The following CTNND2 variants were observed in gnomAD, a reference collection of about 807,000 sequenced individuals.
CTNND2 encodes catenin delta-2.
A neutral mutation model predicts 144.4 loss-of-function variants in CTNND2; 22 were observed. That is an observed-to-expected ratio of 0.15 (90% CI 0.11 to 0.22). CTNND2 has a LOEUF of 0.22. Among genes scored for constraint, CTNND2 ranks in the 10% least tolerant of loss-of-function variants. The pLI, the probability that CTNND2 is intolerant of heterozygous loss-of-function variation, is 1.00. For synonymous variants in CTNND2, 751 were observed against 695.6 expected, an observed-to-expected ratio of 1.08 and a Z score of -1.25; for missense variants, 1,353 against 1,618.8, an observed-to-expected ratio of 0.84 and a Z score of 2.82.
intron 9 of CTNND2, among the ~76,000 whole-genome samples, chr5:11,262,994 G>A (rs555926541): frequency 1.3e-5 from 2 of 152,076 alleles, no homozygotes; most frequent in South Asian, 2.1e-4. Flanking sequence ...ATTTCCGATG[G>A]CTCTCACAAA....
chr5:11,673,021 G>A (rs1424207521), intron 2 of CTNND2, among the ~76,000 whole-genome samples: 2 of 152,146 alleles, frequency 1.3e-5, no homozygotes, highest in Non-Finnish European at 2.9e-5. Context: ...ATCTTGCTGG[G>A]AGCTGCAGAC....
chr5:11,223,108 C>T (rs1327643372), intron 10 of CTNND2, among the ~76,000 whole-genome samples: 1 of 152,170 alleles, frequency 6.6e-6, no homozygotes, highest in Non-Finnish European at 1.5e-5. Context: ...GGCTGAAGCT[C>T]TCTGCCACCC....
At chr5:11,763,295 A>G (rs115527122) in intron 1 of CTNND2, among the ~76,000 whole-genome samples, 3,314 of 152,280 alleles carry the variant, frequency 0.022, 104 homozygotes, top group African/African-American at 0.076. Flanking sequence ...GTGAGAAAGA[A>G]CTAATACAGT....
At chr5:11,710,423 C>T (rs779055075) in intron 2 of CTNND2, among the ~76,000 whole-genome samples, 9 of 151,866 alleles carry the variant, frequency 5.9e-5, no homozygotes, top group Non-Finnish European at 1.0e-4. Context: ...GCCTGTAGTC[C>T]CAGCTACTTG....
intron 5 of CTNND2, among the ~76,000 whole-genome samples, chr5:11,408,038 T>C (rs138322160): frequency 1.9e-4 from 29 of 152,094 alleles, no homozygotes; most frequent in East Asian, 3.9e-4. Context: ...GATTATGACA[T>C]TGATTCCCCG....
chr5:11,441,611 T>C (rs1764269632), intron 3 of CTNND2, among the ~76,000 whole-genome samples: 1 of 150,590 alleles, frequency 6.6e-6, no homozygotes, highest in South Asian at 2.1e-4. Context: ...CTCGAACTCC[T>C]GACCTGGTAA....
intron 13 of CTNND2, among the ~76,000 whole-genome samples, chr5:11,115,350 C>A (rs1451273519): frequency 6.6e-6 from 1 of 152,158 alleles, no homozygotes; most frequent in African/African-American, 2.4e-5. Context: ...AGGCTGTTGA[C>A]TCTTATTTTA....
intron 1 of CTNND2, among the ~76,000 whole-genome samples, chr5:11,861,778 G>T (rs1358713754): frequency 6.6e-6 from 1 of 152,144 alleles, no homozygotes; most frequent in Non-Finnish European, 1.5e-5. Flanking sequence ...CTGAAGTGAT[G>T]ACTACATTTC....
chr5:11,554,925 A>G (rs1776082393), intron 3 of CTNND2, among the ~76,000 whole-genome samples: 1 of 151,008 alleles, frequency 6.6e-6, no homozygotes, highest in South Asian at 2.1e-4. Context: ...ATATAAATAT[A>G]TCTACATATA....
At chr5:11,324,798 C>A (rs1302160504) in intron 9 of CTNND2, among the ~76,000 whole-genome samples, 1 of 152,164 alleles carries the variant, frequency 6.6e-6, no homozygotes, top group Non-Finnish European at 1.5e-5. Context: ...AAAAGCAACT[C>A]CAGACATCCT....
chr5:11,822,555 T>C (rs1456065258), intron 1 of CTNND2, among the ~76,000 whole-genome samples: 1 of 152,062 alleles, frequency 6.6e-6, no homozygotes, highest in Admixed American at 6.5e-5. Flanking sequence ...ATAAACTCCC[T>C]CTAATCACAC....
At chr5:11,683,325 A>G (rs2126632353) in intron 2 of CTNND2, among the ~76,000 whole-genome samples, 1 of 152,332 alleles carries the variant, frequency 6.6e-6, no homozygotes, top group South Asian at 2.1e-4. Flanking sequence ...ATTCTGAGCA[A>G]TGCACAGACT....
At chr5:11,016,682 T>C (rs1375477501) in intron 18 of CTNND2, among the ~76,000 whole-genome samples, 1 of 152,206 alleles carries the variant, frequency 6.6e-6, no homozygotes, top group Non-Finnish European at 1.5e-5. Context: ...CAGGCACCCT[T>C]CTGTAGTCCT....
chr5:11,579,287 C>G (rs929851456), intron 2 of CTNND2, among the ~76,000 whole-genome samples: 1 of 152,026 alleles, frequency 6.6e-6, no homozygotes, highest in Non-Finnish European at 1.5e-5. Context: ...AATGTACCAC[C>G]GTTGAAATCA....
intron 11 of CTNND2, among the ~76,000 whole-genome samples, chr5:11,162,675 T>C (rs16901331): frequency 0.011 from 1,690 of 150,608 alleles, 32 homozygotes; most frequent in African/African-American, 0.039. Flanking sequence ...CTTGGTAAAG[T>C]GGATGGAACG....
chr5:11,183,400 G>A (rs1014762013), intron 11 of CTNND2, among the ~76,000 whole-genome samples: 1 of 152,176 alleles, frequency 6.6e-6, no homozygotes, highest in South Asian at 2.1e-4. Context: ...AAGGATGCAC[G>A]TGATTGGCTG....
chr5:11,125,843 T>G (rs1754619831), intron 12 of CTNND2, among the ~76,000 whole-genome samples: 1 of 152,262 alleles, frequency 6.6e-6, no homozygotes, highest in African/African-American at 2.4e-5. Flanking sequence ...TTGGTGTTTA[T>G]CATTCAAGAT....
At chr5:11,882,780 G>C (rs1736223837) in intron 1 of CTNND2, among the ~76,000 whole-genome samples, 1 of 151,996 alleles carries the variant, frequency 6.6e-6, no homozygotes, top group South Asian at 2.1e-4. Flanking sequence ...GGATTGCTTT[G>C]GCTACTTAGA....
At position 11,778,979 on chromosome 5, in the gene CTNND2, G is replaced by C. The variant is rs113030256; in HGVS notation, c.38-46707C>G. Among the ~76,000 whole-genome samples the C allele has an allele frequency of 6.3e-3, 958 of 152,206 alleles. 9 individuals are homozygous for C. Among genetic ancestry groups the C allele is most frequent in the African/African-American group, 0.022 (909 of 41,518 alleles). ...AAAATCAGTTTAAGCAGAAACACTG[G>C]CAAATATTGACACATCCTTTAAACA... On this transcript the variant is annotated intron_variant, in intron 1 of 21. Transcript: ENST00000304623.
Sources: gnomAD v4.1 joint callset for allele counts (sites outside exome capture counted in the v4.1 genomes callset) on GRCh38, gnomAD v4.1.1 for gene constraint, MANE v1.5 for transcripts, NCBI Gene and HGNC (gene_info 2026-07-23, HGNC 2026-07-21) for gene names.